Variants in TENM3 observed in about 807,000 individuals in gnomAD.
TENM3 encodes teneurin transmembrane protein 3.
A neutral mutation model predicts 255.1 loss-of-function variants in TENM3; 63 were observed. That is an observed-to-expected ratio of 0.25 (90% confidence interval 0.20 to 0.30). The LOEUF is 0.30. Among genes scored for constraint, TENM3 ranks in the 10% least tolerant of loss-of-function variants. The pLI is 1.00. For missense variants in TENM3, 2,929 were observed against 3,461.1 expected, an observed-to-expected ratio of 0.85 and a Z score of 3.86; for synonymous variants, 1,306 against 1,322.3, an observed-to-expected ratio of 0.99 and a Z score of 0.27.
At chr4:181,601,597 T>C in the TENM3 span, among the ~76,000 whole-genome samples, 1 of 152,218 alleles carries the variant, frequency 6.6e-6, no homozygotes, top group Non-Finnish European at 1.5e-5. Context: ...GAAAACACTT[T>C]ACTCATAAAG....
At chr4:182,067,082 G>T in the TENM3 span, among the ~76,000 whole-genome samples, 5,602 of 152,198 alleles carry the variant, frequency 0.037, 316 homozygotes, top group African/African-American at 0.13. Context: ...GGTCCTTTCT[G>T]TCTTTCCCCC....
At chr4:182,194,030 C>T (rs1200204452) in intron 1 of TENM3, among the ~76,000 whole-genome samples, 1 of 152,176 alleles carries the variant, frequency 6.6e-6, no homozygotes, top group African/African-American at 2.4e-5. Flanking sequence ...TTAACATAAT[C>T]TATTTTTTAT....
the TENM3 span, among the ~76,000 whole-genome samples, chr4:181,718,981 T>TGGATC: frequency 6.7e-6 from 1 of 149,592 alleles, no homozygotes; most frequent in African/African-American, 2.5e-5. Context: ...CCGAGGCGGG[T>TGGATC]GGATCATGAG....
chr4:181,805,923 C>G, the TENM3 span, among the ~76,000 whole-genome samples: 25 of 152,292 alleles, frequency 1.6e-4, no homozygotes, highest in African/African-American at 5.5e-4. Context: ...ATCTTCTCAT[C>G]TCTTTCCCCG....
chr4:181,519,138 C>G, the TENM3 span, among the ~76,000 whole-genome samples: 1 of 152,138 alleles, frequency 6.6e-6, no homozygotes, highest in Non-Finnish European at 1.5e-5. Flanking sequence ...GCTGGGCAAG[C>G]ACATCCAGTG....
chr4:181,964,229 CA>C, the TENM3 span, among the ~76,000 whole-genome samples: 1 of 152,124 alleles, frequency 6.6e-6, no homozygotes, highest in South Asian at 2.1e-4. Flanking sequence ...GCATTTGCTC[CA>C]ATTGCACCTA....
chr4:181,849,949 T>TCTCACACACACACA, the TENM3 span, among the ~76,000 whole-genome samples: 21 of 65,936 alleles, frequency 3.2e-4, no homozygotes, highest in East Asian at 2.2e-3. Context: ...TCTCTCTCTC[T>TCTCACACACACACA]CACACACACA....
At chr4:182,091,563 C>T in the TENM3 span, among the ~76,000 whole-genome samples, 1 of 152,148 alleles carries the variant, frequency 6.6e-6, no homozygotes, top group African/African-American at 2.4e-5. Flanking sequence ...TGAGATAAAC[C>T]AGCACAATGG....
rs924545735 is a variant in TENM3 at position 182,660,091 on chromosome 4, G to A, written c.1111+6198G>A. Among the ~76,000 whole-genome samples the A allele has an allele frequency of 4.0e-5, 6 of 148,934 alleles. No individual in the cohort carries two copies. In the East Asian group the frequency reaches 8.5e-4, roughly 21 times the overall value. On this transcript the variant is annotated intron_variant, in intron 6 of 27. Transcript: ENST00000511685. ...ATATACAAAGGTGTAAACATACAAT[G>A]GTGTATAGTACATAGTAAATGCTTG...
the TENM3 span, among the ~76,000 whole-genome samples, chr4:181,903,866 AATCC>A: frequency 6.6e-6 from 1 of 152,064 alleles, no homozygotes; most frequent in Non-Finnish European, 1.5e-5. Flanking sequence ...CCCAGGGCTC[AATCC>A]TCCTGCCTCT....
chr4:182,626,253 C>T (rs1032394629), intron 4 of TENM3, among the ~76,000 whole-genome samples: 5 of 152,124 alleles, frequency 3.3e-5, no homozygotes, highest in Admixed American at 6.6e-5. Flanking sequence ...AGTGTGAAAT[C>T]GCCAGTATCA....
chr4:182,494,534 G>A (rs1358348132), intron 3 of TENM3, among the ~76,000 whole-genome samples: 1 of 152,080 alleles, frequency 6.6e-6, no homozygotes, highest in Non-Finnish European at 1.5e-5. Flanking sequence ...GTATCCACTG[G>A]GGGTCTTGGA....
At chr4:182,630,823 G>C (rs926990100) in intron 5 of TENM3, among the ~76,000 whole-genome samples, 1 of 151,818 alleles carries the variant, frequency 6.6e-6, no homozygotes, top group Non-Finnish European at 1.5e-5. Context: ...TTCAGGGCTG[G>C]AATTCAGTGT....
the TENM3 span, among the ~76,000 whole-genome samples, chr4:181,681,097 A>G: frequency 3.3e-5 from 5 of 152,046 alleles, no homozygotes; most frequent in Admixed American, 2.0e-4. Context: ...TAGATTGTCT[A>G]AGGTAAGCGT....
intron 1 of TENM3, among the ~76,000 whole-genome samples, chr4:182,196,421 C>T (rs1275353033): frequency 6.6e-6 from 1 of 152,130 alleles, no homozygotes; most frequent in African/African-American, 2.4e-5. Flanking sequence ...TTCACCATAG[C>T]CACGCCTCAT....
the TENM3 span, among the ~76,000 whole-genome samples, chr4:181,816,594 C>T: frequency 6.6e-6 from 1 of 152,146 alleles, no homozygotes; most frequent in Admixed American, 6.5e-5. Flanking sequence ...CTTGAAGGCA[C>T]CCACAACATT....
At chr4:181,584,122 A>G in the TENM3 span, among the ~76,000 whole-genome samples, 1 of 152,226 alleles carries the variant, frequency 6.6e-6, no homozygotes, top group Non-Finnish European at 1.5e-5. Context: ...TCACTCAATG[A>G]GTATTTGTTG....
intron 2 of TENM3, among the ~76,000 whole-genome samples, chr4:182,335,278 C>T (rs1764036749): frequency 7.7e-6 from 1 of 130,502 alleles, no homozygotes; most frequent in Admixed American, 7.9e-5. Flanking sequence ...GCGGGCGGAT[C>T]ACGAGGTCAG....
intron 1 of TENM3, among the ~76,000 whole-genome samples, chr4:182,302,617 T>G (rs895661325): frequency 6.6e-6 from 1 of 152,102 alleles, no homozygotes; most frequent in African/African-American, 2.4e-5. Flanking sequence ...ACAGAAGATA[T>G]AAAACTTGAA....
Sources: gnomAD v4.1 joint callset for allele counts (sites outside exome capture counted in the v4.1 genomes callset) on GRCh38, gnomAD v4.1.1 for gene constraint, MANE v1.5 for transcripts, NCBI Gene and HGNC (gene_info 2026-07-23, HGNC 2026-07-21) for gene names.